CNTNAP3B: variants seen among roughly 807,000 people sequenced by gnomAD.
The protein encoded by CNTNAP3B is contactin associated protein family member 3B.
In CNTNAP3B, 25 loss-of-function variants were observed where a neutral mutation model predicts 108.9. The ratio of observed to expected loss-of-function variants is 0.23; its 90% CI spans 0.17 to 0.32. The LOEUF (loss-of-function observed/expected upper bound fraction) is 0.32. CNTNAP3B is among the 10% of genes least tolerant of loss of function. The pLI is 1.00. For missense variants in CNTNAP3B, 252 were observed against 1,210.4 expected, an observed-to-expected ratio of 0.21 and a Z score of 11.75; for synonymous variants, 103 against 473.4, an observed-to-expected ratio of 0.22 and a Z score of 10.16.
chr9:42,125,393 C>T (rs1157464399), intron 1 of CNTNAP3B, among the ~76,000 whole-genome samples: 1 of 141,796 alleles, frequency 7.1e-6, no homozygotes, highest in East Asian at 2.1e-4. Flanking sequence ...GCTTTCCTTA[C>T]CCTGCTGGTT....
intron 9 of CNTNAP3B, among the ~76,000 whole-genome samples, chr9:41,973,234 A>G (rs1825458368): frequency 1.4e-5 from 2 of 145,764 alleles, no homozygotes; most frequent in East Asian, 4.1e-4. Context: ...GGCATAAGCC[A>G]CAGCGCCCAG....
At chr9:41,999,668 G>A (rs1306188921) in intron 4 of CNTNAP3B, among the ~76,000 whole-genome samples, 2 of 60,044 alleles carry the variant, frequency 3.3e-5, no homozygotes, top group Admixed American at 2.0e-4. Context: ...AGAGAGCATG[G>A]CCTTAACACC....
chr9:42,063,726 A>C (rs79633749), intron 3 of CNTNAP3B, among the ~76,000 whole-genome samples: 26 of 134,008 alleles, frequency 1.9e-4, no homozygotes, highest in African/African-American at 6.1e-4. Context: ...CTCTCTCTCT[A>C]TATCTCTTTC....
At chr9:41,952,557 T>C (rs1231467281) in intron 13 of CNTNAP3B, among the ~76,000 whole-genome samples, 3 of 152,208 alleles carry the variant, frequency 2.0e-5, no homozygotes, top group South Asian at 2.1e-4. Context: ...AGTTGGTCTT[T>C]AACTTAGGAG....
In CNTNAP3B at chr9:41,953,326, G is replaced by A. The variant is rs548575165; in HGVS notation, c.1937C>T (p.Ala646Val). 461 of 1,547,550 alleles carry A rather than the reference G, an allele frequency of 3.0e-4. 1 individual carries two copies. In the Middle Eastern group the frequency reaches 3.9e-3, roughly 13 times the overall value. ...AGCCGAGAGCGGGTGCCCGCTGGGG[G>A]CACCTCGGAGGGTCACCGCGTCGGG... ...GGPDAVTLRG[A>V]PSGHPLSAVS... The change falls in exon 13 of 24, where the codon GCC becomes GTC. Residue 646 changes from alanine (A) to valine (V), a missense_variant. By Grantham distance (64) the Ala-to-Val change is moderately conservative. Transcript: ENST00000377561.
rs1207996485 is a variant in CNTNAP3B, at chr9:42,129,367, G to A, written c.-273C>T. ...GCGGCGCCGCCCCAGGCACGGAGGC[G>A]GCAGGTTCAGGCGCGTCCCGGACAC... On this transcript the variant is annotated 5_prime_UTR_variant, in exon 1 of 24. Transcript: ENST00000377561. The A allele has an allele frequency of 3.2e-5, 11 of 341,256 alleles. 2 individuals carry two copies. Among genetic ancestry groups the A allele is most frequent in the Non-Finnish European group, 4.6e-5 (10 of 217,796 alleles). 21.1% of individuals were successfully genotyped at this position (341,256 alleles called of 1,614,324 possible). A position where few individuals can be genotyped will look rare whatever the true frequency, so the allele number is the denominator to read the frequency against.
At chr9:41,935,677 C>T (rs1432116601) in intron 14 of CNTNAP3B, among the ~76,000 whole-genome samples, 5 of 152,230 alleles carry the variant, frequency 3.3e-5, no homozygotes, top group African/African-American at 1.2e-4. Context: ...TTTCAGAATG[C>T]TTGTGGTCTT....
intron 3 of CNTNAP3B, among the ~76,000 whole-genome samples, chr9:42,059,993 T>C (rs1294126749): frequency 2.0e-5 from 3 of 151,194 alleles, no homozygotes; most frequent in African/African-American, 7.4e-5. Context: ...AATTCTGTTT[T>C]CTTCAAATTT....
chr9:41,917,116 T>C (rs1374997773), intron 18 of CNTNAP3B, among the ~76,000 whole-genome samples: 2 of 152,260 alleles, frequency 1.3e-5, no homozygotes, highest in East Asian at 1.9e-4. Context: ...TTTTCAAATA[T>C]TTTTTTCTGA....
At chr9:41,953,585 T>C (rs1824765590) in intron 12 of CNTNAP3B, among the ~76,000 whole-genome samples, 199 bp from the exon 13 acceptor site, 1 of 150,896 alleles carries the variant, frequency 6.6e-6, no homozygotes, top group Non-Finnish European at 1.5e-5. Context: ...TTGGAAGAAC[T>C]GATGACCAAA....
chr9:42,120,739 G>T (rs374268418), intron 1 of CNTNAP3B, among the ~76,000 whole-genome samples: 3 of 127,122 alleles, frequency 2.4e-5, no homozygotes, highest in Middle Eastern at 3.8e-3. Context: ...ACCAAACACC[G>T]CATGTTCTCA....
chr9:42,120,521 C>T (rs1237066545), intron 1 of CNTNAP3B, among the ~76,000 whole-genome samples: 1 of 137,896 alleles, frequency 7.3e-6, no homozygotes, highest in Non-Finnish European at 1.5e-5. Flanking sequence ...GACACATGCA[C>T]ACGTATGTTT....
At chr9:42,055,233 GA>G (rs1190148753) in intron 3 of CNTNAP3B, among the ~76,000 whole-genome samples, 1 of 137,040 alleles carries the variant, frequency 7.3e-6, no homozygotes, top group African/African-American at 2.9e-5. Context: ...TACCCAGAGG[GA>G]AAAAATGCTA....
intron 1 of CNTNAP3B, among the ~76,000 whole-genome samples, chr9:42,113,286 C>T (rs991096966): frequency 7.4e-6 from 1 of 135,898 alleles, no homozygotes; most frequent in Admixed American, 7.4e-5. Flanking sequence ...AGATCAGCTC[C>T]TTTTCCCTGA....
intron 3 of CNTNAP3B, among the ~76,000 whole-genome samples, chr9:42,019,591 C>CAAA (rs569640352): frequency 3.0e-5 from 3 of 100,774 alleles, no homozygotes; most frequent in Admixed American, 1.0e-4. Context: ...ATCTCTACTT[C>CAAA]AAAAAAAAAA....
At chr9:41,934,122 T>TATATATATATATATATATACAC (rs1214326050) in intron 14 of CNTNAP3B, among the ~76,000 whole-genome samples, 30 of 73,340 alleles carry the variant, frequency 4.1e-4, no homozygotes, top group African/African-American at 1.3e-3. Context: ...TATATATATA[T>TATATATATATATATATATACAC]ACACACACAT....
chr9:42,095,048 T>C (rs200512571), intron 2 of CNTNAP3B, among the ~76,000 whole-genome samples: 6 of 126,602 alleles, frequency 4.7e-5, no homozygotes, highest in Non-Finnish European at 6.7e-5. Context: ...TAAAATTCTC[T>C]CATATATTTC....
intron 1 of CNTNAP3B, among the ~76,000 whole-genome samples, chr9:42,120,032 A>G (rs1268580297): frequency 4.4e-4 from 66 of 149,584 alleles, no homozygotes; most frequent in African/African-American, 1.7e-3. Flanking sequence ...ATCAGAGTGA[A>G]CAGGCAACCT....
chr9:42,070,431 T>G, intron 3 of CNTNAP3B, among the ~76,000 whole-genome samples: 1 of 148,904 alleles, frequency 6.7e-6, no homozygotes, highest in African/African-American at 2.5e-5. Flanking sequence ...CAGGTGCAGC[T>G]GTTTGGGCTG....
Sources: allele counts gnomAD v4.1 joint callset (sites outside exome capture counted in the v4.1 genomes callset), GRCh38; gene constraint gnomAD v4.1.1; transcripts MANE v1.5; gene names NCBI Gene and HGNC (gene_info 2026-07-23, HGNC 2026-07-21).